DHRSX: variants seen among roughly 807,000 people sequenced by gnomAD.
DHRSX encodes the protein polyprenol dehydrogenase.
Under a neutral mutation model 34.0 loss-of-function variants are expected in DHRSX, and 31 were observed. The ratio of observed to expected loss-of-function variants is 0.91; its 90% CI spans 0.69 to 1.23. The LOEUF (loss-of-function observed/expected upper bound fraction) is 1.23. Among genes scored for constraint, DHRSX ranks in the 50% most tolerant of loss-of-function variants. The probability of loss-of-function intolerance (pLI) is 0.00; values close to 1 mark genes in which losing one functional copy is unlikely to be tolerated. For synonymous variants in DHRSX, 201 were observed against 183.8 expected (o/e 1.09, Z -0.76); for missense variants, 414 against 428.1 (o/e 0.97, Z 0.29).
intron 3 of DHRSX, among the ~76,000 whole-genome samples, chrX:2,306,603 C>A (rs1394098980): frequency 6.6e-6 from 1 of 152,016 alleles, no homozygotes; most frequent in Non-Finnish European, 1.5e-5. Flanking sequence ...CAGACGCGCA[C>A]CACCACGCCT....
At chrX:2,239,000 G>A (rs149586529) in intron 6 of DHRSX, among the ~76,000 whole-genome samples, 1,607 of 152,212 alleles carry the variant, frequency 0.011, 27 homozygotes, top group African/African-American at 0.037. Context: ...AGCTACTGCA[G>A]CTGTATAGCC....
intron 1 of DHRSX, among the ~76,000 whole-genome samples, chrX:2,436,252 A>T (rs1205220518): frequency 6.6e-6 from 1 of 151,786 alleles, no homozygotes; most frequent in Non-Finnish European, 1.5e-5. Context: ...AAAAAAATAA[A>T]AACTATGTGT....
intron 1 of DHRSX, among the ~76,000 whole-genome samples, chrX:2,483,078 C>T (rs1252735786): frequency 6.6e-6 from 1 of 152,102 alleles, no homozygotes; most frequent in Non-Finnish European, 1.5e-5. Context: ...TCTGCTTAAT[C>T]GTGAACTCAT....
chrX:2,361,115 A>G (rs1468683845), intron 3 of DHRSX, among the ~76,000 whole-genome samples: 4 of 152,040 alleles, frequency 2.6e-5, no homozygotes, highest in African/African-American at 9.7e-5. Flanking sequence ...ACATTATCAT[A>G]AAAGTTTGTT....
At chrX:2,444,738 G>C (rs1028995299) in intron 1 of DHRSX, among the ~76,000 whole-genome samples, 4 of 152,094 alleles carry the variant, frequency 2.6e-5, no homozygotes, top group Non-Finnish European at 4.4e-5. Context: ...ATGAGGCTGA[G>C]GTGGGAGCAT....
At chrX:2,283,876 ATTCATTCCTTTGAATTCG>A (rs1268346985) in intron 4 of DHRSX, among the ~76,000 whole-genome samples, 10 of 152,108 alleles carry the variant, frequency 6.6e-5, no homozygotes, top group East Asian at 1.9e-4. Flanking sequence ...GAATTCATTC[ATTCATTCCTTTGAATTCG>A]TTCATTCCTT....
At chrX:2,496,879 AAT>A (rs1419647055) in intron 1 of DHRSX, among the ~76,000 whole-genome samples, 3 of 148,840 alleles carry the variant, frequency 2.0e-5, no homozygotes, top group South Asian at 2.1e-4. Context: ...TTATTCTAAA[AAT>A]ATATATATTT....
chrX:2,421,631 T>A (rs947761901), intron 2 of DHRSX, among the ~76,000 whole-genome samples: 40 of 152,208 alleles, frequency 2.6e-4, no homozygotes, highest in Middle Eastern at 3.4e-3. Context: ...AAGGTTAGCA[T>A]TTTCTTCTTT....
At chrX:2,469,544 G>A (rs2044556930) in intron 1 of DHRSX, among the ~76,000 whole-genome samples, 1 of 151,200 alleles carries the variant, frequency 6.6e-6, no homozygotes. Flanking sequence ...CATTCCCTAA[G>A]AATGTGGCCA....
At chrX:2,486,199 C>T in intron 1 of DHRSX, among the ~76,000 whole-genome samples, 1 of 152,246 alleles carries the variant, frequency 6.6e-6, no homozygotes, top group Non-Finnish European at 1.5e-5. Flanking sequence ...GCTTTATTCA[C>T]TCAGAAATTT....
intron 6 of DHRSX, among the ~76,000 whole-genome samples, chrX:2,224,990 A>C (rs1409571776): frequency 2.0e-5 from 3 of 149,672 alleles, no homozygotes; most frequent in Non-Finnish European, 4.4e-5. Flanking sequence ...ACTAATTCAC[A>C]TGCACACACA....
intron 3 of DHRSX, among the ~76,000 whole-genome samples, chrX:2,293,269 T>TTTC (rs1491567057): frequency 5.4e-5 from 8 of 148,096 alleles, no homozygotes; most frequent in African/African-American, 1.7e-4. Context: ...TTTTTTTTTT[T>TTTC]CCCAGAAGGA....
At chrX:2,424,083 C>A (rs2043813555) in intron 2 of DHRSX, among the ~76,000 whole-genome samples, 1 of 152,088 alleles carries the variant, frequency 6.6e-6, no homozygotes, top group South Asian at 2.1e-4. Context: ...AATGAGGTCA[C>A]CAGAGTGGGC....
chrX:2,342,929 C>T (rs1222493743), intron 3 of DHRSX, among the ~76,000 whole-genome samples: 2 of 152,166 alleles, frequency 1.3e-5, no homozygotes, highest in Non-Finnish European at 2.9e-5. Context: ...TAACGGTCTT[C>T]AGGTTGTGGG....
intron 6 of DHRSX, among the ~76,000 whole-genome samples, chrX:2,228,909 G>A (rs1163112285): frequency 6.6e-6 from 1 of 152,056 alleles, no homozygotes; most frequent in African/African-American, 2.4e-5. Flanking sequence ...TCCTTGGGAC[G>A]GATCCCCTGT....
At chrX:2,449,652 C>T (rs1209066336) in intron 1 of DHRSX, among the ~76,000 whole-genome samples, 1 of 152,094 alleles carries the variant, frequency 6.6e-6, no homozygotes, top group East Asian at 1.9e-4. Context: ...CGTGCCACCA[C>T]ATTTGGCTAA....
intron 6 of DHRSX, among the ~76,000 whole-genome samples, chrX:2,222,467 A>C (rs2015542666): frequency 6.6e-6 from 1 of 152,210 alleles, no homozygotes; most frequent in South Asian, 2.1e-4. Flanking sequence ...AAATTGCGAG[A>C]GTTTTAGAAG....
Position 2,265,903 on chromosome X carries a change from C to A in DHRSX, c.596+837G>T, listed in dbSNP as rs1470223570. On this transcript the variant is annotated intron_variant, in intron 5 of 6. Transcript: ENST00000334651. ...GCTCGGCGGACACAGGGAGCACTGT[C>A]CCCAGAGCACCAGTGCTCGGCAGAT... Among the ~76,000 whole-genome samples the A allele has an allele frequency of 5.5e-5, 7 of 127,324 alleles. No homozygotes were observed. In the South Asian group the frequency reaches 8.1e-4, roughly 15 times the overall value. 83.5% of individuals were successfully genotyped at this position (127,324 alleles called of 152,430 possible).
At chrX:2,299,168 A>G (rs73628284) in intron 3 of DHRSX, among the ~76,000 whole-genome samples, 13,705 of 152,180 alleles carry the variant, frequency 0.09, 1,135 homozygotes, top group African/African-American at 0.22. Context: ...GTCAAGTCAC[A>G]TGCTTGAATA....
Sources: allele counts gnomAD v4.1 joint callset (sites outside exome capture counted in the v4.1 genomes callset), GRCh38; gene constraint gnomAD v4.1.1; transcripts MANE v1.5; gene names NCBI Gene and HGNC (gene_info 2026-07-23, HGNC 2026-07-21).